GC: variants seen among roughly 807,000 people sequenced by gnomAD.
The protein encoded by GC is GC vitamin D binding protein, also known as vitamin D-binding protein.
GC carries 43 observed loss-of-function variants against 56.7 expected under a neutral mutation model. The ratio of observed to expected loss-of-function variants is 0.76; its 90% CI spans 0.59 to 0.98. The LOEUF is 0.98. Among genes scored for constraint, GC ranks in the 50% least tolerant of loss-of-function variants. GC has a pLI of 0.00. For synonymous variants in GC, 216 were observed against 202.7 expected, an observed-to-expected ratio of 1.07 and a Z score of -0.56; for missense variants, 529 against 545.9, an observed-to-expected ratio of 0.97 and a Z score of 0.31.
chr4:71,768,226 C>A, intron 3 of GC, 75 bp downstream of exon 3: 1 of 1,300,810 alleles, frequency 7.7e-7, no homozygotes, highest in Admixed American at 2.8e-5. Context: ...AAAATTTTTT[C>A]AACACGTGGT....
rs1292170843 is a variant in GC, at chr4:71,764,007, G to A, written c.474-71C>T. On this transcript the variant is annotated intron_variant, in intron 4 of 12. Transcript: ENST00000273951. ...AAAATCTACTTTTTTATTTGAGACAGTGTCTTGCCCTGTCATCTAGGCTGG... is the reference window on the plus strand; with the variant it reads ...AAAATCTACTTTTTTATTTGAGACAATGTCTTGCCCTGTCATCTAGGCTGG... 3 of 1,221,122 alleles carry A rather than the reference G, an allele frequency of 2.5e-6. No individual in the cohort carries two copies. The East Asian group carries it at 7.0e-5, about 28-fold the overall frequency. 75.6% of individuals were successfully genotyped at this position (1,221,122 alleles called of 1,614,324 possible).
At chr4:71,785,972 C>T (rs1344115969), upstream of GC, 1 of 151,748 alleles carries the variant, frequency 6.6e-6, no homozygotes, top group African/African-American at 2.4e-5. Flanking sequence ...TTAGTTCATT[C>T]AAAAAGACAC....
intron 1 of GC, among the ~76,000 whole-genome samples, chr4:71,796,457 C>G (rs1431503684): frequency 1.3e-5 from 2 of 152,188 alleles, no homozygotes; most frequent in Non-Finnish European, 2.9e-5. Flanking sequence ...ATCGAATCAG[C>G]CACTGAAGCT....
intron 1 of GC, among the ~76,000 whole-genome samples, chr4:71,799,788 G>A (rs902271352): frequency 1.3e-5 from 2 of 152,186 alleles, no homozygotes; most frequent in African/African-American, 4.8e-5. Context: ...AGGTTGTGGT[G>A]AAAGGCAACT....
At chr4:71,772,525 G>C (rs1053761872) in intron 1 of GC, among the ~76,000 whole-genome samples, 7 of 152,096 alleles carry the variant, frequency 4.6e-5, no homozygotes, top group African/African-American at 1.7e-4. Flanking sequence ...AGTGTAACTG[G>C]GCACTGCATG....
intron 1 of GC, among the ~76,000 whole-genome samples, chr4:71,769,789 CT>C (rs1461543392): frequency 6.6e-6 from 1 of 152,134 alleles, no homozygotes; most frequent in Non-Finnish European, 1.5e-5. Flanking sequence ...TCCCTTCCTT[CT>C]TTTAATGTCT....
At position 71,793,824 on chromosome 4, in the gene GC, C is replaced by T. The variant is rs112212187; in HGVS notation, c.22-9770G>A. Among the ~76,000 whole-genome samples, 37 of 152,138 alleles carry T rather than the reference C, an allele frequency of 2.4e-4. 2 individuals are homozygous for T. The highest frequency in any genetic ancestry group is 6.7e-4 in the African/African-American group (28 of 41,510). On this transcript the variant is annotated intron_variant, in intron 1 of 13. Coordinates refer to the GC transcript ENST00000504199. ...AAATAGCTCTTATTATTGTGAGATA[C>T]GTTCCATCAATACCTAGTTTATTGA...
chr4:71,774,494 G>C (rs1336936269), intron 1 of GC, among the ~76,000 whole-genome samples: 1 of 126,526 alleles, frequency 7.9e-6, no homozygotes, highest in Non-Finnish European at 1.9e-5. Context: ...TGCTTTTGTA[G>C]GGGTAAAGAT....
Position 71,756,930 on chromosome 4 carries a change from T to G in GC, c.832-16A>C, listed in dbSNP as rs760810200. On this transcript the variant is annotated splice_polypyrimidine_tract_variant and intron_variant, in intron 7 of 12. Coordinates refer to ENST00000273951, the MANE Select transcript of GC (RefSeq NM_000583.4). ...GTTCAGGCAGCTACAAAACGAATGGTTAGTTTGTGCATTGTTAGTTTCCTG... is the reference window on the plus strand; with the variant it reads ...GTTCAGGCAGCTACAAAACGAATGGGTAGTTTGTGCATTGTTAGTTTCCTG... 1 of 1,553,202 alleles carries G rather than the reference T, an allele frequency of 6.4e-7. No homozygotes were observed. The highest frequency in any genetic ancestry group is 2.2e-5 in the East Asian group (1 of 44,600).
chr4:71,783,865 C>T, intron 1 of GC, 96 bp downstream of exon 1: 1 of 880,298 alleles, frequency 1.1e-6, no homozygotes, highest in Admixed American at 2.9e-5. Context: ...TTCACCAGTT[C>T]TTCTGTTTCT....
At chr4:71,764,574 C>A (rs1742097441) in intron 4 of GC, among the ~76,000 whole-genome samples, 1 of 151,930 alleles carries the variant, frequency 6.6e-6, no homozygotes, top group Non-Finnish European at 1.5e-5. Context: ...AATGTAATTG[C>A]TAGATTAATT....
chr4:71,766,537 T>C (rs1177987686), intron 3 of GC, among the ~76,000 whole-genome samples: 1 of 152,204 alleles, frequency 6.6e-6, no homozygotes, highest in Non-Finnish European at 1.5e-5. Flanking sequence ...AAAATTACTT[T>C]GGGATTTATA....
intron 6 of GC, among the ~76,000 whole-genome samples, chr4:71,760,836 A>G (rs751284213): frequency 1.3e-5 from 2 of 152,252 alleles, no homozygotes; most frequent in South Asian, 2.1e-4. Flanking sequence ...CATGTAAGAT[A>G]TGATTTGCTC....
intron 1 of GC, among the ~76,000 whole-genome samples, chr4:71,800,153 T>A (rs1466566977): frequency 1.3e-5 from 2 of 151,896 alleles, no homozygotes; most frequent in Non-Finnish European, 2.9e-5. Context: ...TGTGCCATGG[T>A]GGTTTGCTGC....
intron 1 of GC, among the ~76,000 whole-genome samples, chr4:71,793,012 T>C (rs2149309349): frequency 6.6e-6 from 1 of 152,308 alleles, no homozygotes; most frequent in South Asian, 2.1e-4. Flanking sequence ...TCTGTTCCAA[T>C]GGTCTATATC....
chr4:71,745,982 G>T (rs222043), intron 12 of GC, among the ~76,000 whole-genome samples, 169 bp downstream of exon 12: 1 of 151,464 alleles, frequency 6.6e-6, no homozygotes, highest in Non-Finnish European at 1.5e-5. Context: ...GGCTGCTCTT[G>T]TATAAGTGTA....
At chr4:71,803,494 T>C (rs548137257) in intron 1 of GC, among the ~76,000 whole-genome samples, 17 of 152,200 alleles carry the variant, frequency 1.1e-4, no homozygotes, top group Admixed American at 3.3e-4. Context: ...CAAGGTATTG[T>C]CATTTGAGTT....
intron 1 of GC, among the ~76,000 whole-genome samples, chr4:71,799,814 T>C (rs1347221057): frequency 1.3e-5 from 2 of 152,174 alleles, no homozygotes; most frequent in Non-Finnish European, 2.9e-5. Context: ...GGGAGGTTGA[T>C]AGATTCATTG....
rs774755036 is a variant in GC at position 71,765,550 on chromosome 4, G to T, written c.355C>A (p.Arg119=). Residue 119 remains arginine, a synonymous_variant, in exon 4 of 13, where the codon CGA becomes AGA. Coordinates refer to ENST00000273951, the MANE Select transcript of GC (RefSeq NM_000583.4). The part of the protein sequence containing the change: ...AECCTKEGLE[R]KLCMAALKHQ... ...TTCAGAGCAGCCATGCAGAGCTTTC[G>T]TTCCAGGCCCTCTTTGGTGCAGCAC... 2.5e-6 allele frequency: 4 copies of T among 1,613,470 alleles called. No homozygotes were observed. The East Asian group carries it at 8.9e-5, about 36-fold the overall frequency.
Sources: allele counts gnomAD v4.1 joint callset (sites outside exome capture counted in the v4.1 genomes callset), GRCh38; gene constraint gnomAD v4.1.1; transcripts MANE v1.5; gene names NCBI Gene and HGNC (gene_info 2026-07-23, HGNC 2026-07-21).